Variants in RBPMS observed in about 807,000 individuals in gnomAD.
RBPMS encodes RNA binding protein, mRNA processing factor.
Under a neutral mutation model 26.8 loss-of-function variants are expected in RBPMS, and 7 were observed. The ratio of observed to expected loss-of-function variants is 0.26; its 90% CI spans 0.15 to 0.49. RBPMS has a LOEUF of 0.49. RBPMS is among the 20% of genes least tolerant of loss of function. The pLI, the probability that RBPMS is intolerant of heterozygous loss-of-function variation, is 0.98. For missense variants in RBPMS, 186 were observed against 250.0 expected (o/e 0.74, Z 1.73); for synonymous variants, 96 against 93.3 (o/e 1.03, Z -0.17).
intron 1 of RBPMS, among the ~76,000 whole-genome samples, chr8:30,432,270 T>A (rs547674860): frequency 1.3e-5 from 2 of 152,360 alleles, no homozygotes; most frequent in Admixed American, 6.5e-5. Flanking sequence ...GTAACTATTT[T>A]CTATCCCATT....
At chr8:30,444,121 C>T (rs533608959) in intron 1 of RBPMS, among the ~76,000 whole-genome samples, 2 of 152,088 alleles carry the variant, frequency 1.3e-5, no homozygotes, top group South Asian at 4.2e-4. Context: ...GTATTGAACT[C>T]CTGGCCTCAA....
chr8:30,509,330 C>T (rs1821356199), intron 5 of RBPMS, among the ~76,000 whole-genome samples: 1 of 152,108 alleles, frequency 6.6e-6, no homozygotes, highest in Non-Finnish European at 1.5e-5. Context: ...CTGATCAGCA[C>T]ATAACATTTT....
chr8:30,528,440 G>T (rs748395603), intron 5 of RBPMS, among the ~76,000 whole-genome samples: 1 of 152,158 alleles, frequency 6.6e-6, no homozygotes, highest in Non-Finnish European at 1.5e-5. Context: ...ATGGGCTCCA[G>T]ATGGGGAGCC....
At chr8:30,515,157 A>G (rs143711988) in intron 5 of RBPMS, among the ~76,000 whole-genome samples, 9 of 152,216 alleles carry the variant, frequency 5.9e-5, no homozygotes, top group Admixed American at 4.6e-4. Context: ...CATTTTGTAC[A>G]GATGGGGTCT....
chr8:30,509,945 CTTATCCTTACACACCTT>C (rs1426635218), intron 5 of RBPMS, among the ~76,000 whole-genome samples: 1 of 152,184 alleles, frequency 6.6e-6, no homozygotes, highest in Non-Finnish European at 1.5e-5. Flanking sequence ...CAATTTGGTG[CTTATCCTTACACACCTT>C]TTAATATGCA....
chr8:30,546,038 A>C (rs1825840454), intron 6 of RBPMS, among the ~76,000 whole-genome samples: 1 of 152,112 alleles, frequency 6.6e-6, no homozygotes, highest in Admixed American at 6.5e-5. Flanking sequence ...CTGGCAGGTA[A>C]CGGGGTCGGG....
intron 4 of RBPMS, among the ~76,000 whole-genome samples, chr8:30,479,690 T>G (rs763830650): frequency 6.6e-6 from 1 of 152,176 alleles, no homozygotes; most frequent in Non-Finnish European, 1.5e-5. Context: ...CTTTGTTTTT[T>G]CCAGAGGAGA....
Position 30,554,653 on chromosome 8 carries a change from T to C in RBPMS, c.529-4234T>C, listed in dbSNP as rs534927241. 4.6e-5 allele frequency among the ~76,000 whole-genome samples: 7 copies of C among 152,312 alleles called. No homozygotes were observed. The South Asian group carries it at 1.4e-3, about 32-fold the overall frequency. The stretch of plus-strand genomic sequence containing the variant: ...CTGGGGGGCTGGTTACAGTGTCGTT[T>C]ATTGGATGCCTCTCCCAGAGTTTTG... On this transcript the variant is annotated intron_variant, in intron 6 of 8. Transcript: ENST00000397323.
Position 30,547,536 on chromosome 8 carries a change from C to T in RBPMS, c.528+2912C>T, listed in dbSNP as rs569925195. Reference sequence around the variant, plus strand: ...AAAAATGAACTCAAGTAGACTGCAGCGTTTTGTTTTCATGGTGATGCAATT... The same window carrying T: ...AAAAATGAACTCAAGTAGACTGCAGTGTTTTGTTTTCATGGTGATGCAATT... On this transcript the variant is annotated intron_variant, in intron 6 of 8. Coordinates refer to ENST00000397323, the MANE Select transcript of RBPMS (RefSeq NM_001008710.3). The T allele has an allele frequency of 1.5e-5, 22 of 1,457,470 alleles. No individual in the cohort carries two copies. In the South Asian group the frequency reaches 2.5e-4, roughly 16 times the overall value. 90.3% of individuals were successfully genotyped at this position (1,457,470 alleles called of 1,614,324 possible).
intron 3 of RBPMS, among the ~76,000 whole-genome samples, chr8:30,478,743 C>T (rs979200676): frequency 1.3e-5 from 2 of 152,206 alleles, no homozygotes; most frequent in Non-Finnish European, 2.9e-5. Flanking sequence ...CGTGATCCGC[C>T]CACCTTGGCC....
rs574192033 is a variant in RBPMS at position 30,483,795 on chromosome 8, T to C, written c.246+4418T>C. 3.9e-5 allele frequency among the ~76,000 whole-genome samples: 6 copies of C among 152,164 alleles called. No individual in the cohort carries two copies. The East Asian group carries it at 1.2e-3, about 29-fold the overall frequency. On this transcript the variant is annotated intron_variant, in intron 4 of 8. Transcript: ENST00000397323. The stretch of plus-strand genomic sequence containing the variant: ...CCCTTTTCCCCAGCCCCTGGTAATC[T>C]CTAATCTGCTTGCTTTCTCCGTGAA...
intron 1 of RBPMS, among the ~76,000 whole-genome samples, chr8:30,386,120 G>C (rs1807041595): frequency 6.6e-6 from 1 of 152,094 alleles, no homozygotes; most frequent in Non-Finnish European, 1.5e-5. Flanking sequence ...TGTAGATGCA[G>C]GAAAGTGCAC....
chr8:30,564,731 C>G (rs1585904791), intron 7 of RBPMS: 1 of 152,312 alleles, frequency 6.6e-6, no homozygotes, highest in East Asian at 1.9e-4. Flanking sequence ...AAGAGGGTAG[C>G]CACGTGTTCA....
At chr8:30,556,395 C>T (rs962988797) in intron 6 of RBPMS, 9 of 985,722 alleles carry the variant, frequency 9.1e-6, no homozygotes, top group South Asian at 4.7e-5. Flanking sequence ...AACGTGAGGG[C>T]TGTGTGCGAG....
rs1388336332 is a variant in RBPMS at position 30,384,795 on chromosome 8, T to C, written c.-298T>C. On this transcript the variant is annotated 5_prime_UTR_variant, in exon 1 of 9. Transcript: ENST00000397323. This position sits in a 1 kb window ranked among gnomAD's most constrained non-coding sequence, Gnocchi z 5.6. ...TTCCTCCCCTGGCTCCCGCCCTCCC[T>C]CTCCAGGTCGCCCTCCCGGGGCCCG... 1 of 251,750 alleles carries C rather than the reference T, an allele frequency of 4.0e-6. No individual in the cohort carries two copies. 15.6% of individuals were successfully genotyped at this position (251,750 alleles called of 1,614,324 possible). A position where few individuals can be genotyped will look rare whatever the true frequency, so the allele number is the denominator to read the frequency against.
chr8:30,388,396 T>C (rs1269651248), intron 1 of RBPMS, among the ~76,000 whole-genome samples: 2 of 150,886 alleles, frequency 1.3e-5, no homozygotes, highest in Non-Finnish European at 3.0e-5. Flanking sequence ...TTCTGTCTTA[T>C]AGCTTATAAC....
chr8:30,513,355 C>T (rs113829180), intron 5 of RBPMS, among the ~76,000 whole-genome samples: 12,116 of 151,872 alleles, frequency 0.08, 623 homozygotes, highest in Non-Finnish European at 0.11. Flanking sequence ...TTTGGGAGGC[C>T]GAGGCAGGTG....
chr8:30,530,444 T>C (rs1473913912), intron 5 of RBPMS, among the ~76,000 whole-genome samples: 3 of 152,168 alleles, frequency 2.0e-5, no homozygotes, highest in African/African-American at 4.8e-5. Flanking sequence ...ATATGTGTTC[T>C]GTCATGGGAA....
intron 5 of RBPMS, among the ~76,000 whole-genome samples, chr8:30,522,964 T>A (rs1268008229): frequency 6.6e-6 from 1 of 152,226 alleles, no homozygotes. Context: ...TGTAGTTTGC[T>A]TTCAGGTGGA....
Sources: gnomAD v4.1 joint callset for allele counts (sites outside exome capture counted in the v4.1 genomes callset) on GRCh38, gnomAD v4.1.1 for gene constraint, Gnocchi (gnomAD v3.1) non-coding constraint, MANE v1.5 for transcripts, NCBI Gene and HGNC (gene_info 2026-07-23, HGNC 2026-07-21) for gene names.